Variants in UGT1A8 observed in about 807,000 individuals in gnomAD.
UGT1A8 encodes UDP-glucuronosyltransferase 1A8.
A neutral mutation model predicts 45.3 loss-of-function variants in UGT1A8; 39 were observed. The ratio of observed to expected loss-of-function variants is 0.86; its 90% confidence interval spans 0.67 to 1.12. UGT1A8 has a LOEUF of 1.12. UGT1A8 is among the 50% of genes most tolerant of loss of function. The pLI is 0.00. For missense variants in UGT1A8, 719 were observed against 664.9 expected, an observed-to-expected ratio of 1.08 and a Z score of -0.90; for synonymous variants, 275 against 249.2, an observed-to-expected ratio of 1.10 and a Z score of -0.97.
chr2:233,673,039 T>C (rs971993877), intron 1 of UGT1A8, among the ~76,000 whole-genome samples: 31 of 152,336 alleles, frequency 2.0e-4, no homozygotes, highest in African/African-American at 7.5e-4. Context: ...AAGTACCATG[T>C]TTAGAAAAGT....
At position 233,638,132 on chromosome 2, in the gene UGT1A8, T is replaced by C. The variant is rs558962426; in HGVS notation, c.855+19570T>C. ...CAGGGTTTTCCTGAATTGAGAAGAC[T>C]GGCATCTTTTTGCTATTAAGTCTTC... On this transcript the variant is annotated intron_variant, in intron 1 of 4. Coordinates refer to ENST00000373450, the MANE Select transcript of UGT1A8 (RefSeq NM_019076.5). Among the ~76,000 whole-genome samples the C allele has an allele frequency of 3.3e-5, 5 of 152,336 alleles. No homozygotes were observed. In the East Asian group the frequency reaches 9.6e-4, roughly 29 times the overall value.
At chr2:233,638,270 C>A (rs1006405330) in intron 1 of UGT1A8, among the ~76,000 whole-genome samples, 25 of 152,096 alleles carry the variant, frequency 1.6e-4, no homozygotes, top group African/African-American at 5.6e-4. Flanking sequence ...TATTCCTTGG[C>A]ATTTTATTAC....
intron 1 of UGT1A8, chr2:233,719,818 A>G: frequency 6.3e-7 from 1 of 1,577,544 alleles, no homozygotes; most frequent in Non-Finnish European, 8.6e-7. Flanking sequence ...ATAACAGATA[A>G]ACTGTTGAGG....
intron 3 of UGT1A8, 45 bp downstream of exon 3, chr2:233,767,981 T>G: frequency 6.2e-7 from 1 of 1,614,178 alleles, no homozygotes; most frequent in Non-Finnish European, 8.5e-7. Flanking sequence ...AGGGTCAAAT[T>G]AAGAAAATGG....
intron 1 of UGT1A8, chr2:233,755,125 C>T (rs1380878187): frequency 3.0e-6 from 4 of 1,325,936 alleles, no homozygotes; most frequent in Non-Finnish European, 4.1e-6. Flanking sequence ...GCCTCAGCCA[C>T]CTGCTTGAAT....
chr2:233,760,243 T>TAC (rs1697369137), intron 1 of UGT1A8: 1 of 1,608,014 alleles, frequency 6.2e-7, no homozygotes, highest in African/African-American at 1.3e-5. Flanking sequence ...CATATATATA[T>TAC]ATATAAGTAG....
At position 233,767,103 on chromosome 2, in the gene UGT1A8, T is replaced by G; in HGVS notation, c.925T>G (p.Ser309Ala). Reference sequence around the variant, plus strand: ...GGTTTTCTCTTTGGGATCAATGGTCTCAGAAATTCCAGAGAAGAAAGCTAT... The same window carrying G: ...GGTTTTCTCTTTGGGATCAATGGTCGCAGAAATTCCAGAGAAGAAAGCTAT... Reference protein sequence around the residue: ...IVVFSLGSMVSEIPEKKAMAI... With the variant: ...IVVFSLGSMVAEIPEKKAMAI... Residue 309 changes from serine to alanine, a missense_variant, in exon 2 of 5, where the codon TCA becomes GCA. Ser to Ala is a moderately conservative substitution (Grantham distance 99). Coordinates refer to ENST00000373450, the MANE Select transcript of UGT1A8 (RefSeq NM_019076.5). 6.2e-7 allele frequency: 1 copy of G among 1,614,148 alleles called. No individual in the cohort carries two copies. Among genetic ancestry groups the G allele is most frequent in the South Asian group, 1.1e-5 (1 of 91,074 alleles).
intron 1 of UGT1A8, among the ~76,000 whole-genome samples, chr2:233,628,586 T>A (rs1470709148): frequency 1.3e-5 from 2 of 152,104 alleles, no homozygotes. Context: ...TTCTTTACAA[T>A]CTGGACACTT....
In UGT1A8 at chr2:233,654,843, G is replaced by C. The variant is rs28969696; in HGVS notation, c.855+36281G>C. Among the ~76,000 whole-genome samples the C allele has an allele frequency of 8.3e-3, 1,259 of 152,328 alleles. 22 individuals are homozygous for C. The highest frequency in any genetic ancestry group is 0.028 in the African/African-American group (1,174 of 41,560). ...ACAGTGGCTCACGCCTGTAATCCCT[G>C]CACTTAGGGAAACTGAGGTGGGCGG... On this transcript the variant is annotated intron_variant, in intron 1 of 4. Transcript: ENST00000373450.
chr2:233,648,857 A>G, intron 1 of UGT1A8: 1 of 1,221,158 alleles, frequency 8.2e-7, no homozygotes, highest in Non-Finnish European at 1.2e-6. Flanking sequence ...AATGCCTTAA[A>G]CATAGCCTCT....
intron 1 of UGT1A8, among the ~76,000 whole-genome samples, chr2:233,679,551 T>TG (rs1559337922): frequency 2.0e-5 from 3 of 152,154 alleles, no homozygotes; most frequent in Non-Finnish European, 4.4e-5. Flanking sequence ...TCATCTTTTT[T>TG]TTTGTTTGTT....
chr2:233,760,044 T>C (rs183598295), intron 1 of UGT1A8, among the ~76,000 whole-genome samples: 36 of 152,234 alleles, frequency 2.4e-4, no homozygotes, highest in East Asian at 9.6e-4. Context: ...CTTTGCTGTG[T>C]TCACTCAAGA....
rs761038539 is a variant in UGT1A8 at position 233,743,935 on chromosome 2, C to G, written c.856-23099C>G. 3 of 1,357,014 alleles carry G rather than the reference C, an allele frequency of 2.2e-6. No homozygotes were observed. In the East Asian group the frequency reaches 1.4e-4, roughly 62 times the overall value. 84.1% of individuals were successfully genotyped at this position (1,357,014 alleles called of 1,614,324 possible). On this transcript the variant is annotated intron_variant, in intron 1 of 4. Transcript: ENST00000373450. Reference sequence around the variant, plus strand: ...CCACCATGCTGGATGGCCAGAACGGCCCACCAGGCACTGGCACAGCGAGCG... The same window carrying G: ...CCACCATGCTGGATGGCCAGAACGGGCCACCAGGCACTGGCACAGCGAGCG...
In UGT1A8 at chr2:233,618,247, T is replaced by C. The variant is rs17863761; in HGVS notation, c.540T>C (p.Gly180=). The change falls in exon 1 of 5, where the codon GGT becomes GGC. Residue 180 remains glycine (G), a synonymous_variant. Transcript: ENST00000373450. The part of the protein sequence containing the change: ...RGIACHYLEE[G]AQCPAPLSYV... Reference sequence around the variant, plus strand: ...TAGCTTGCCACTATCTTGAAGAAGGTGCACAGTGCCCTGCTCCTCTTTCCT... The same window carrying C: ...TAGCTTGCCACTATCTTGAAGAAGGCGCACAGTGCCCTGCTCCTCTTTCCT... 7.3e-4 allele frequency: 1,171 copies of C among 1,613,946 alleles called. No homozygotes were observed. Among genetic ancestry groups the C allele is most frequent in the South Asian group, 8.2e-4 (75 of 91,070 alleles).
chr2:233,673,893 C>T lies in UGT1A8; in HGVS notation c.855+55331C>T, dbSNP rs537937244. Among the ~76,000 whole-genome samples the T allele has an allele frequency of 2.4e-4, 37 of 152,286 alleles. No homozygotes were observed. The South Asian group carries it at 7.7e-3, about 32-fold the overall frequency. On this transcript the variant is annotated intron_variant, in intron 1 of 4. Transcript: ENST00000373450. ...ATTCCCTTCTCTGATATTTATACCA[C>T]TTATTTTGCTTTGCTGGAGCTTATA...
chr2:233,721,880 C>A, intron 1 of UGT1A8: 1 of 494,092 alleles, frequency 2.0e-6, no homozygotes, highest in Admixed American at 2.1e-5. Flanking sequence ...CTTGCCAGCC[C>A]CTCCATTGCA....
intron 1 of UGT1A8, among the ~76,000 whole-genome samples, chr2:233,632,475 T>A (rs2073207646): frequency 6.6e-6 from 1 of 152,252 alleles, no homozygotes; most frequent in South Asian, 2.1e-4. Context: ...GAGCATGGAA[T>A]GATTTTCCAT....
chr2:233,694,746 A>G (rs1358887678), intron 1 of UGT1A8, among the ~76,000 whole-genome samples: 1 of 152,224 alleles, frequency 6.6e-6, no homozygotes, highest in East Asian at 1.9e-4. Flanking sequence ...AACAGTTGGC[A>G]GTAGCCACTG....
chr2:233,623,547 A>G (rs760585211), intron 1 of UGT1A8, among the ~76,000 whole-genome samples: 2 of 152,156 alleles, frequency 1.3e-5, no homozygotes, highest in African/African-American at 4.8e-5. Flanking sequence ...CCATCACCGA[A>G]TACTTAATTA....
Sources: allele counts gnomAD v4.1 joint callset (sites outside exome capture counted in the v4.1 genomes callset), GRCh38; gene constraint gnomAD v4.1.1; transcripts MANE v1.5; gene names NCBI Gene and HGNC (gene_info 2026-07-23, HGNC 2026-07-21).